The following WWOX variants were observed in gnomAD, a reference collection of about 807,000 sequenced individuals.
The protein encoded by WWOX is WW domain containing oxidoreductase, also known as WW domain-containing oxidoreductase.
A neutral mutation model predicts 46.2 loss-of-function variants in WWOX; 69 were observed. The ratio of observed to expected loss-of-function variants is 1.49; its 90% CI spans 1.23 to 1.82. WWOX has a LOEUF of 1.82. WWOX is among the 40% of genes most tolerant of loss of function. The pLI is 0.00. For synonymous variants in WWOX, 359 were observed against 202.6 expected, an observed-to-expected ratio of 1.77 and a Z score of -6.56; for missense variants, 919 against 542.6, an observed-to-expected ratio of 1.69 and a Z score of -6.89.
intron 8 of WWOX, among the ~76,000 whole-genome samples, chr16:78,528,355 C>T (rs1266596119): frequency 1.3e-5 from 2 of 151,508 alleles, no homozygotes; most frequent in African/African-American, 4.9e-5. Flanking sequence ...GTCCAACCTC[C>T]TGTACTATGA....
At chr16:79,057,542 T>A (rs141658679) in intron 8 of WWOX, among the ~76,000 whole-genome samples, 69 of 151,862 alleles carry the variant, frequency 4.5e-4, no homozygotes, top group African/African-American at 1.5e-3. Flanking sequence ...GGAGATTTGA[T>A]CCATTTTAAC....
chr16:78,274,128 C>T (rs748923139), intron 5 of WWOX, among the ~76,000 whole-genome samples: 4 of 152,164 alleles, frequency 2.6e-5, no homozygotes, highest in Non-Finnish European at 5.9e-5. Flanking sequence ...AAACTGGAAT[C>T]ACATCCTGGT....
At chr16:78,955,977 C>T (rs1255483481) in intron 8 of WWOX, among the ~76,000 whole-genome samples, 1 of 145,426 alleles carries the variant, frequency 6.9e-6, no homozygotes, top group Admixed American at 6.8e-5. Context: ...TAGAAAAAAA[C>T]AAAAAACAAA....
chr16:79,172,046 C>T (rs1470745933), intron 8 of WWOX, among the ~76,000 whole-genome samples: 3 of 152,110 alleles, frequency 2.0e-5, no homozygotes, highest in Non-Finnish European at 2.9e-5. Context: ...GCCTGTGGAG[C>T]GAGGGCAAGT....
intron 8 of WWOX, among the ~76,000 whole-genome samples, chr16:78,915,770 G>C (rs554191047): frequency 6.6e-6 from 1 of 152,018 alleles, no homozygotes; most frequent in Non-Finnish European, 1.5e-5. Context: ...GAATCACTTC[G>C]AAAAGGAACT....
At chr16:79,167,898 C>A (rs1429844822) in intron 8 of WWOX, among the ~76,000 whole-genome samples, 1 of 152,186 alleles carries the variant, frequency 6.6e-6, no homozygotes, top group African/African-American at 2.4e-5. Flanking sequence ...ATCACTGCCC[C>A]ATTCCCTTCT....
At chr16:78,475,149 A>G (rs2084323474) in intron 8 of WWOX, among the ~76,000 whole-genome samples, 1 of 152,198 alleles carries the variant, frequency 6.6e-6, no homozygotes, top group Non-Finnish European at 1.5e-5. Context: ...AGGGACATGC[A>G]AAACAAAGGC....
At chr16:78,785,144 A>G (rs1429064202) in intron 8 of WWOX, among the ~76,000 whole-genome samples, 3 of 152,224 alleles carry the variant, frequency 2.0e-5, no homozygotes, top group Admixed American at 6.5e-5. Flanking sequence ...AAAACTAAAA[A>G]CAATAACCAA....
In WWOX at chr16:78,564,959, C is replaced by G. The variant is rs187944562; in HGVS notation, c.1056+132207C>G. Among the ~76,000 whole-genome samples the G allele has an allele frequency of 4.9e-3, 751 of 152,156 alleles. 9 individuals are homozygous for G. The highest frequency in any genetic ancestry group is 0.017 in the African/African-American group (726 of 41,516). On this transcript the variant is annotated intron_variant, in intron 8 of 8. Transcript: ENST00000566780. ...AAATCCTCCTTCCTTTTTAACAAGACAAGTAGAAAACGAAAACAACATCAA... is the reference window on the plus strand; with the variant it reads ...AAATCCTCCTTCCTTTTTAACAAGAGAAGTAGAAAACGAAAACAACATCAA...
chr16:78,898,023 A>G (rs1406725645), intron 8 of WWOX: 1 of 151,764 alleles, frequency 6.6e-6, no homozygotes, highest in East Asian at 1.9e-4. Flanking sequence ...TCTTTTTAAT[A>G]TTGAATTATA....
intron 5 of WWOX, among the ~76,000 whole-genome samples, chr16:78,219,270 G>C (rs919343001): frequency 4.6e-5 from 7 of 152,092 alleles, no homozygotes; most frequent in African/African-American, 1.7e-4. Flanking sequence ...TAGTTAATAT[G>C]TTAATATGAA....
chr16:78,521,249 A>T (rs569349170), intron 8 of WWOX, among the ~76,000 whole-genome samples: 2 of 152,110 alleles, frequency 1.3e-5, no homozygotes, highest in African/African-American at 4.8e-5. Flanking sequence ...TAGAGACGGG[A>T]TCTTGCTGTG....
chr16:79,083,891 AT>A (rs1265683322), intron 8 of WWOX, among the ~76,000 whole-genome samples: 1 of 152,092 alleles, frequency 6.6e-6, no homozygotes, highest in Non-Finnish European at 1.5e-5. Context: ...GCAAACTGAC[AT>A]TTCTTCATCT....
chr16:78,332,510 C>T (rs913984673), intron 5 of WWOX, among the ~76,000 whole-genome samples: 1 of 152,162 alleles, frequency 6.6e-6, no homozygotes, highest in Non-Finnish European at 1.5e-5. Flanking sequence ...CTTTTGGGTA[C>T]ATGCTATAAG....
chr16:78,688,811 G>C (rs576538154), intron 8 of WWOX, among the ~76,000 whole-genome samples: 56 of 152,304 alleles, frequency 3.7e-4, no homozygotes, highest in African/African-American at 1.3e-3. Context: ...CGTGTCATGG[G>C]AGGGACCCAG....
intron 8 of WWOX, among the ~76,000 whole-genome samples, chr16:78,735,711 C>G (rs921275927): frequency 6.6e-6 from 1 of 152,176 alleles, no homozygotes; most frequent in Non-Finnish European, 1.5e-5. Flanking sequence ...GGCTCAAGTA[C>G]TAGTTCTATG....
intron 4 of WWOX, among the ~76,000 whole-genome samples, chr16:78,115,957 C>T (rs1485107333): frequency 6.6e-6 from 1 of 152,142 alleles, no homozygotes; most frequent in African/African-American, 2.4e-5. Flanking sequence ...ACACGGCCCC[C>T]TTGATGCCCT....
chr16:79,097,513 A>G (rs558594173), intron 8 of WWOX, among the ~76,000 whole-genome samples: 89 of 152,296 alleles, frequency 5.8e-4, no homozygotes, highest in African/African-American at 2.0e-3. Context: ...CCGCAGCGCT[A>G]TCATATGCTC....
At chr16:78,913,543 C>G (rs909749632) in intron 8 of WWOX, among the ~76,000 whole-genome samples, 2 of 152,158 alleles carry the variant, frequency 1.3e-5, no homozygotes, top group Admixed American at 1.3e-4. Context: ...CCACCCAGAG[C>G]AAAGTCACTT....
Sources: allele counts gnomAD v4.1 joint callset (sites outside exome capture counted in the v4.1 genomes callset), GRCh38; gene constraint gnomAD v4.1.1; transcripts MANE v1.5; gene names NCBI Gene and HGNC (gene_info 2026-07-23, HGNC 2026-07-21).